Variants in FOXK1 observed in about 807,000 individuals in gnomAD.
The protein encoded by FOXK1 is forkhead box protein K1.
Under a neutral mutation model 51.9 loss-of-function variants are expected in FOXK1, and 19 were observed. The ratio of observed to expected loss-of-function variants is 0.37; its 90% confidence interval spans 0.26 to 0.54. FOXK1 has a LOEUF of 0.54. Among genes scored for constraint, FOXK1 ranks in the 20% least tolerant of loss-of-function variants. The pLI, the probability that FOXK1 is intolerant of heterozygous loss-of-function variation, is 0.87. For missense variants in FOXK1, 870 were observed against 1,032.7 expected (o/e 0.84, Z 2.16); for synonymous variants, 537 against 482.6 (o/e 1.11, Z -1.48).
chr7:4,706,585 A>G (rs1454768476), intron 1 of FOXK1, among the ~76,000 whole-genome samples: 1 of 152,238 alleles, frequency 6.6e-6, no homozygotes, highest in Non-Finnish European at 1.5e-5. Context: ...CAATGTGGGC[A>G]GAATCCTGAC....
At chr7:4,757,634 CAAAAAAAAAAAAAAAA>C (rs59200954) in intron 5 of FOXK1, among the ~76,000 whole-genome samples, 43 of 20,202 alleles carry the variant, frequency 2.1e-3, no homozygotes, top group Non-Finnish European at 5.9e-3. Flanking sequence ...AACTCCGTCT[CAAAAAAAAAAAAAAAA>C]AAAAAAAAAA....
In FOXK1 at chr7:4,731,176, C is replaced by T. The variant is rs555146180; in HGVS notation, c.561-9662C>T. Among the ~76,000 whole-genome samples, 1 of 152,288 alleles carries T rather than the reference C, an allele frequency of 6.6e-6. No individual in the cohort carries two copies. Among genetic ancestry groups the T allele is most frequent in the Admixed American group, 6.5e-5 (1 of 15,282 alleles). The stretch of plus-strand genomic sequence containing the variant: ...CTTGCTGGTAGGAGGTGGTGAGGGG[C>T]CTCCGAGGTGGTGGGTGAGCATCCC... On this transcript the variant is annotated intron_variant, in intron 1 of 8. Transcript: ENST00000328914. The surrounding 1 kb of genome is among the most constrained non-coding windows in gnomAD (Gnocchi z 5.3).
chr7:4,761,602 G>C lies in FOXK1; in HGVS notation c.1921+314G>C, dbSNP rs186608902. 3.3e-5 allele frequency among the ~76,000 whole-genome samples: 5 copies of C among 152,224 alleles called. No individual in the cohort carries two copies. In the East Asian group the frequency reaches 9.7e-4, roughly 30 times the overall value. Reference sequence around the variant, plus strand: ...AACTTAGCCAGGTGTGGTGTTGCACGCTCATGGTCCCAGCTGCTTGGGAGA... The same window carrying C: ...AACTTAGCCAGGTGTGGTGTTGCACCCTCATGGTCCCAGCTGCTTGGGAGA... On this transcript the variant is annotated intron_variant, in intron 8 of 8. Transcript: ENST00000328914. The surrounding 1 kb of genome is among the most constrained non-coding windows in gnomAD (Gnocchi z 6.2).
intron 1 of FOXK1, among the ~76,000 whole-genome samples, chr7:4,716,793 TCA>T (rs1277687115): frequency 1.3e-5 from 2 of 152,238 alleles, no homozygotes; most frequent in Non-Finnish European, 2.9e-5. Flanking sequence ...TACATAGGCG[TCA>T]CAAAACAGAT....
rs535169160 is a variant in FOXK1, at chr7:4,684,962, C to T, written c.560+2094C>T. Among the ~76,000 whole-genome samples the T allele has an allele frequency of 1.5e-4, 23 of 151,808 alleles. No homozygotes were observed. In the East Asian group the frequency reaches 3.5e-3, roughly 23 times the overall value. ...TTGCACATTTATGCTCCAGGGAGCT[C>T]GTGTTCTCGGTGGGTGCATTACCAG... On this transcript the variant is annotated intron_variant, in intron 1 of 8. Coordinates refer to ENST00000328914, the MANE Select transcript of FOXK1 (RefSeq NM_001037165.2).
intron 1 of FOXK1, among the ~76,000 whole-genome samples, chr7:4,685,958 GA>G (rs758565062): frequency 1.6e-3 from 210 of 127,950 alleles, no homozygotes; most frequent in African/African-American, 3.6e-3. Flanking sequence ...AAAACAAAAT[GA>G]AAAAAAAAAA....
At chr7:4,760,702 T>A (rs777233444) in intron 7 of FOXK1, among the ~76,000 whole-genome samples, 3 of 151,910 alleles carry the variant, frequency 2.0e-5, no homozygotes, top group African/African-American at 7.3e-5. Context: ...AATACAAAAA[T>A]TAGCCGGGTG....
chr7:4,759,336 G>A lies in FOXK1; in HGVS notation c.1437G>A (p.Val479=). Reference sequence around the variant, plus strand: ...GCTCCCCCGTCAGCGCCCAGCCAGTGATCATGGCCGTGCCTCCCCGACCGT... The same window carrying A: ...GCTCCCCCGTCAGCGCCCAGCCAGTAATCATGGCCGTGCCTCCCCGACCGT... ...APGSPVSAQP[V]IMAVPPRPSS... Residue 479 remains valine, a synonymous_variant, in exon 7 of 9, where the codon GTG becomes GTA. Transcript: ENST00000328914. 1.2e-6 allele frequency: 2 copies of A among 1,601,786 alleles called. No individual in the cohort carries two copies. Among genetic ancestry groups the A allele is most frequent in the Non-Finnish European group, 1.7e-6 (2 of 1,178,742 alleles).
Position 4,760,014 on chromosome 7 carries a change from A to G in FOXK1, c.1696+419A>G, listed in dbSNP as rs535347226. ...CACTGCACTCCAGCCTGGGCGACAG[A>G]GCAAAACCCTGTCTCAAAAAAAAAA... is the stretch of plus-strand genomic sequence containing the variant. On this transcript the variant is annotated intron_variant, in intron 7 of 8. Transcript: ENST00000328914. 8.2e-5 allele frequency: 15 copies of G among 183,904 alleles called. No homozygotes were observed. In the South Asian group the frequency reaches 2.0e-3, roughly 24 times the overall value. The allele number at this position is 183,904 out of a possible 1,614,324, so 11.4% of individuals were successfully genotyped here. A position where few individuals can be genotyped will look rare whatever the true frequency, so the allele number is the denominator to read the frequency against.
intron 1 of FOXK1, among the ~76,000 whole-genome samples, chr7:4,717,671 C>T (rs955667306): frequency 6.6e-6 from 1 of 152,186 alleles, no homozygotes; most frequent in African/African-American, 2.4e-5. Context: ...CTGCACCTGA[C>T]CTCACTGCCC....
rs563364191 is a variant in FOXK1, at chr7:4,757,261, G to A, written c.1244+74G>A. ...GCCCTGGAGTTTAGAGATACGTGGC[G>A]CAGTCAGCCCTCCGGATCTGTGGGC... On this transcript the variant is annotated intron_variant, in intron 5 of 8. Transcript: ENST00000328914. 114 of 1,338,878 alleles carry A rather than the reference G, an allele frequency of 8.5e-5. 1 individual carries two copies. In the South Asian group the frequency reaches 1.4e-3, roughly 17 times the overall value. The allele number at this position is 1,338,878 out of a possible 1,614,324, so 82.9% of individuals were successfully genotyped here. A position where few individuals can be genotyped will look rare whatever the true frequency, so the allele number is the denominator to read the frequency against.
chr7:4,737,210 G>A (rs1268219774), intron 1 of FOXK1, among the ~76,000 whole-genome samples: 1 of 152,220 alleles, frequency 6.6e-6, no homozygotes, highest in Non-Finnish European at 1.5e-5. Flanking sequence ...GCTGCAGCGT[G>A]ATCCGATCCC....
intron 2 of FOXK1, among the ~76,000 whole-genome samples, chr7:4,744,398 G>A (rs1307700907): frequency 1.3e-5 from 2 of 152,028 alleles, no homozygotes; most frequent in South Asian, 2.1e-4. Context: ...TTCACCCCTC[G>A]CCCTCTCCCG....
rs184203306 is a variant in FOXK1, at chr7:4,695,217, G to A, written c.560+12349G>A. 7.2e-5 allele frequency among the ~76,000 whole-genome samples: 11 copies of A among 152,314 alleles called. 1 individual carries two copies. Among genetic ancestry groups the A allele is most frequent in the Admixed American group, 4.6e-4 (7 of 15,290 alleles). On this transcript the variant is annotated intron_variant, in intron 1 of 8. Coordinates refer to ENST00000328914, the MANE Select transcript of FOXK1 (RefSeq NM_001037165.2). Reference sequence around the variant, plus strand: ...CGCCGCTTGATGAAAACATCTTTCCGTTAAGAATATCCACCTCCCTCGGGT... The same window carrying A: ...CGCCGCTTGATGAAAACATCTTTCCATTAAGAATATCCACCTCCCTCGGGT...
Position 4,747,791 on chromosome 7 carries a change from A to T in FOXK1, c.747-6668A>T, listed in dbSNP as rs1038921793. Reference sequence around the variant, plus strand: ...GCAGTCTTCCCACCTTGACCTCCCAAAGTGCCAAGATTACAAGCCTGGGCC... The same window carrying T: ...GCAGTCTTCCCACCTTGACCTCCCATAGTGCCAAGATTACAAGCCTGGGCC... On this transcript the variant is annotated intron_variant, in intron 2 of 8. Transcript: ENST00000328914. The surrounding 1 kb of genome is among the most constrained non-coding windows in gnomAD (Gnocchi z 9.2). Among the ~76,000 whole-genome samples the T allele has an allele frequency of 1.3e-5, 2 of 151,738 alleles. No homozygotes were observed. The highest frequency in any genetic ancestry group is 4.8e-5 in the African/African-American group (2 of 41,282).
At chr7:4,710,790 G>C (rs1209199117) in intron 1 of FOXK1, among the ~76,000 whole-genome samples, 2 of 152,108 alleles carry the variant, frequency 1.3e-5, no homozygotes, top group African/African-American at 4.8e-5. Context: ...CCACGATACT[G>C]TTCATAGAAG....
In FOXK1 at chr7:4,756,655, G is replaced by C. The variant is rs113351665; in HGVS notation, c.1051-339G>C. Among the ~76,000 whole-genome samples, 25,301 of 151,640 alleles carry C rather than the reference G, an allele frequency of 0.17. 3,856 individuals carry two copies. The highest frequency in any genetic ancestry group is 0.41 in the African/African-American group (16,810 of 41,292). ...TGGCCCACGCCCATAGTCCCAGCTA[G>C]TCAGGAGGCTGAGGCAGGAGAATCC... is the stretch of plus-strand genomic sequence containing the variant. On this transcript the variant is annotated intron_variant, in intron 4 of 8. Transcript: ENST00000328914. This position sits in a 1 kb window ranked among gnomAD's most constrained non-coding sequence, Gnocchi z 4.1.
intron 1 of FOXK1, among the ~76,000 whole-genome samples, chr7:4,684,787 A>C (rs1405652797): frequency 6.6e-6 from 1 of 152,130 alleles, no homozygotes; most frequent in East Asian, 1.9e-4. Flanking sequence ...TGCACTCCTG[A>C]GTCAGGCCCA....
At chr7:4,714,819 A>G (rs1406140791) in intron 1 of FOXK1, among the ~76,000 whole-genome samples, 1 of 152,046 alleles carries the variant, frequency 6.6e-6, no homozygotes, top group Admixed American at 6.6e-5. Flanking sequence ...ATCAGTTCCC[A>G]GCGTCTTGCA....
Sources: gnomAD v4.1 joint callset for allele counts (sites outside exome capture counted in the v4.1 genomes callset) on GRCh38, gnomAD v4.1.1 for gene constraint, Gnocchi (gnomAD v3.1) non-coding constraint, MANE v1.5 for transcripts, NCBI Gene and HGNC (gene_info 2026-07-23, HGNC 2026-07-21) for gene names.